Variants in SMAP1 observed in about 807,000 individuals in gnomAD.
SMAP1 encodes the protein small ArfGAP 1.
Under a neutral mutation model 58.5 loss-of-function variants are expected in SMAP1, and 24 were observed. The observed-to-expected ratio is 0.41, with a 90% CI of 0.30 to 0.58. SMAP1 has a LOEUF of 0.58. Ranked by LOEUF, SMAP1 falls within the 20% of genes least tolerant of loss-of-function variation. The pLI is 0.29. For synonymous variants in SMAP1, 216 were observed against 196.6 expected (o/e 1.10, Z -0.82); for missense variants, 563 against 566.3 (o/e 0.99, Z 0.06).
intron 10 of SMAP1, chr6:70,859,507 T>C: frequency 2.5e-6 from 2 of 786,816 alleles, no homozygotes; most frequent in Non-Finnish European, 4.0e-6. Context: ...ATAAGTCAAG[T>C]CAAATGTATT....
At chr6:70,767,339 G>A (rs1002982573) in intron 3 of SMAP1, among the ~76,000 whole-genome samples, 3 of 152,120 alleles carry the variant, frequency 2.0e-5, no homozygotes, top group African/African-American at 7.2e-5. Flanking sequence ...ACCTTGGGCA[G>A]TATGGCCATT....
chr6:70,855,529 C>T (rs1481725613), intron 8 of SMAP1, among the ~76,000 whole-genome samples: 1 of 152,106 alleles, frequency 6.6e-6, no homozygotes, highest in Non-Finnish European at 1.5e-5. Context: ...TGAACAGATA[C>T]TAAGTGTGAT....
chr6:70,732,795 A>G (rs909892073), intron 2 of SMAP1, among the ~76,000 whole-genome samples: 6 of 152,158 alleles, frequency 3.9e-5, no homozygotes, highest in Admixed American at 2.6e-4. Context: ...GTATAATTCC[A>G]TAGTTTGTTT....
chr6:70,861,953 A>C lies in SMAP1; in HGVS notation c.*1619A>C. The C allele has an allele frequency of 1.2e-6, 2 of 1,613,516 alleles. No individual in the cohort carries two copies. The highest frequency in any genetic ancestry group is 1.7e-6 in the Non-Finnish European group (2 of 1,179,564). On this transcript the variant is annotated 3_prime_UTR_variant, in exon 11 of 11. Transcript: ENST00000370455. Reference sequence around the variant, plus strand: ...TAAATACAGCTTTTGGATTGGACAAAATGACTTGAAGACTTACAGCAAATC... The same window carrying C: ...TAAATACAGCTTTTGGATTGGACAACATGACTTGAAGACTTACAGCAAATC...
rs574531633 is a variant in SMAP1, at chr6:70,811,623, A to G, written c.576+12886A>G. Among the ~76,000 whole-genome samples, 6 of 152,214 alleles carry G rather than the reference A, an allele frequency of 3.9e-5. No individual in the cohort carries two copies. The South Asian group carries it at 1.2e-3, about 32-fold the overall frequency. On this transcript the variant is annotated intron_variant, in intron 6 of 10. Coordinates refer to ENST00000370455, the MANE Select transcript of SMAP1 (RefSeq NM_001044305.3). ...AAATCTGTGGATATTCAAGTCCCTT[A>G]TTTAAAATGACATGATTTGCATATA...
intron 6 of SMAP1, among the ~76,000 whole-genome samples, chr6:70,803,548 G>C (rs189373219): frequency 1.9e-4 from 29 of 152,152 alleles, no homozygotes; most frequent in African/African-American, 6.5e-4. Flanking sequence ...TTTTGAATTT[G>C]TTTGCTCTTG....
rs1273695869 is a variant in SMAP1, at chr6:70,712,838, G to C, written c.119-19540G>C. 8.4e-5 allele frequency among the ~76,000 whole-genome samples: 12 copies of C among 142,382 alleles called. No homozygotes were observed. In the Admixed American group the frequency reaches 8.8e-4, roughly 10 times the overall value. The allele number at this position is 142,382 out of a possible 152,430, so 93.4% of individuals were successfully genotyped here. A position where few individuals can be genotyped will look rare whatever the true frequency, so the allele number is the denominator to read the frequency against. ...AGACAGAATCTCACTCTGTCACCTA[G>C]GCTGGAGTGCAGTGGCACAATCATG... On this transcript the variant is annotated intron_variant, in intron 1 of 10. Coordinates refer to ENST00000370455, the MANE Select transcript of SMAP1 (RefSeq NM_001044305.3).
At chr6:70,718,349 A>G (rs1256594391) in intron 1 of SMAP1, among the ~76,000 whole-genome samples, 2 of 152,188 alleles carry the variant, frequency 1.3e-5, no homozygotes, top group Non-Finnish European at 2.9e-5. Flanking sequence ...GGTTAAGGAT[A>G]ATGAAAGAAA....
intron 1 of SMAP1, among the ~76,000 whole-genome samples, chr6:70,674,078 C>T (rs191036628): frequency 1.3e-3 from 197 of 151,916 alleles, no homozygotes; most frequent in African/African-American, 4.6e-3. Flanking sequence ...ATGTTTAAAA[C>T]GATATACTTT....
In SMAP1 at chr6:70,749,598, T is replaced by TA. The variant is rs1394753110; in HGVS notation, c.253-5372dup. Among the ~76,000 whole-genome samples the TA allele has an allele frequency of 4.1e-3, 617 of 150,180 alleles. 6 individuals carry two copies. Among genetic ancestry groups the TA allele is most frequent in the African/African-American group, 0.013 (534 of 41,030 alleles). Reference sequence around the variant, plus strand: ...CTATTTTTCCCCCACTTACCTCATTTAAAAAAAAAACAACAACCAGTAAAC... The same window carrying TA: ...CTATTTTTCCCCCACTTACCTCATTTAAAAAAAAAAACAACAACCAGTAAAC... On this transcript the variant is annotated intron_variant, in intron 2 of 10. Coordinates refer to ENST00000370455, the MANE Select transcript of SMAP1 (RefSeq NM_001044305.3).
intron 6 of SMAP1, among the ~76,000 whole-genome samples, chr6:70,814,492 G>C (rs1769530610): frequency 6.6e-6 from 1 of 152,072 alleles, no homozygotes; most frequent in African/African-American, 2.4e-5. Flanking sequence ...TTCATCATTT[G>C]AAACTTTCCC....
chr6:70,755,106 T>C, intron 3 of SMAP1, 41 bp downstream of exon 3: 1 of 1,446,028 alleles, frequency 6.9e-7, no homozygotes, highest in South Asian at 1.2e-5. Context: ...TAAAAAACAT[T>C]AACTCATTTT....
chr6:70,686,300 T>C (rs1480901615), intron 1 of SMAP1, among the ~76,000 whole-genome samples: 1 of 152,216 alleles, frequency 6.6e-6, no homozygotes, highest in Non-Finnish European at 1.5e-5. Context: ...TTGCTTGTTT[T>C]GTTTTCTGTG....
intron 2 of SMAP1, among the ~76,000 whole-genome samples, chr6:70,754,649 G>A (rs998378282): frequency 2.0e-5 from 3 of 152,002 alleles, no homozygotes; most frequent in Non-Finnish European, 4.4e-5. Context: ...TGGTGCACTA[G>A]AAAAAATGGC....
chr6:70,687,455 A>G (rs781965), intron 1 of SMAP1, among the ~76,000 whole-genome samples: 66,001 of 151,812 alleles, frequency 0.43, 14,706 homozygotes, highest in South Asian at 0.5. Flanking sequence ...ATTTTTCTCA[A>G]TGTAGGGCAT....
At chr6:70,837,731 A>G in intron 7 of SMAP1, 1 of 1,054,164 alleles carries the variant, frequency 9.5e-7, no homozygotes, top group Admixed American at 4.4e-5. Context: ...TACTTTTAGT[A>G]ATACCTGAGC....
chr6:70,792,605 A>C (rs765228531), intron 5 of SMAP1, among the ~76,000 whole-genome samples: 1 of 152,138 alleles, frequency 6.6e-6, no homozygotes, highest in Admixed American at 6.5e-5. Flanking sequence ...TATGCTCTGA[A>C]TAAGCATTAG....
intron 7 of SMAP1, among the ~76,000 whole-genome samples, chr6:70,838,476 A>G (rs1185861654): frequency 6.6e-6 from 1 of 152,234 alleles, no homozygotes; most frequent in East Asian, 1.9e-4. Flanking sequence ...GGTAAATACT[A>G]TAGATGAAAG....
chr6:70,780,106 A>G (rs1187300267), intron 4 of SMAP1, among the ~76,000 whole-genome samples: 1 of 152,120 alleles, frequency 6.6e-6, no homozygotes, highest in Non-Finnish European at 1.5e-5. Flanking sequence ...TATTTGATTT[A>G]CCACAGTCCT....
Sources: allele counts gnomAD v4.1 joint callset (sites outside exome capture counted in the v4.1 genomes callset), GRCh38; gene constraint gnomAD v4.1.1; transcripts MANE v1.5; gene names NCBI Gene and HGNC (gene_info 2026-07-23, HGNC 2026-07-21).